The following SGCZ variants were observed in gnomAD, a reference collection of about 807,000 sequenced individuals.
SGCZ encodes the protein sarcoglycan zeta.
A neutral mutation model predicts 41.3 loss-of-function variants in SGCZ; 40 were observed. The observed-to-expected ratio is 0.97, with a 90% confidence interval of 0.75 to 1.26. The LOEUF (loss-of-function observed/expected upper bound fraction) is 1.26. Among genes scored for constraint, SGCZ ranks in the 50% most tolerant of loss-of-function variants. SGCZ has a pLI of 0.00. For synonymous variants in SGCZ, 206 were observed against 137.5 expected, an observed-to-expected ratio of 1.50 and a Z score of -3.49; for missense variants, 552 against 369.8, an observed-to-expected ratio of 1.49 and a Z score of -4.04.
intron 1 of SGCZ, among the ~76,000 whole-genome samples, chr8:14,983,821 A>G (rs940493745): frequency 6.6e-6 from 1 of 152,174 alleles, no homozygotes; most frequent in Non-Finnish European, 1.5e-5. Flanking sequence ...ATATTTTACT[A>G]TATCATAATA....
intron 1 of SGCZ, among the ~76,000 whole-genome samples, chr8:14,978,035 A>G (rs1801537829): frequency 6.6e-6 from 1 of 151,966 alleles, no homozygotes; most frequent in African/African-American, 2.4e-5. Context: ...TTGACCTCAT[A>G]TTTATAGCTC....
chr8:14,495,136 T>C lies in SGCZ; in HGVS notation c.234+59596A>G, dbSNP rs183887550. Among the ~76,000 whole-genome samples the C allele has an allele frequency of 4.7e-4, 71 of 152,250 alleles. No homozygotes were observed. In the East Asian group the frequency reaches 0.012, roughly 26 times the overall value. On this transcript the variant is annotated intron_variant, in intron 2 of 7. Transcript: ENST00000382080. ...GAATGTGGATTCAGTACCAAGCGCT[T>C]GTAGAGTTTATCAAAAAGAAGATAA...
intron 1 of SGCZ, among the ~76,000 whole-genome samples, chr8:14,573,376 AT>A (rs1563124551): frequency 1.3e-5 from 2 of 149,772 alleles, no homozygotes; most frequent in Non-Finnish European, 3.0e-5. Flanking sequence ...TTTTTTTTGT[AT>A]TTTTAGTAGA....
chr8:14,105,547 C>T (rs1377337228), intron 6 of SGCZ, among the ~76,000 whole-genome samples: 5 of 151,894 alleles, frequency 3.3e-5, no homozygotes, highest in Admixed American at 2.0e-4. Flanking sequence ...TCTCAGACAC[C>T]CTGCTTTTAA....
In SGCZ at chr8:14,264,919, C is replaced by A. The variant is rs1195547806; in HGVS notation, c.337-27240G>T. 4.6e-5 allele frequency among the ~76,000 whole-genome samples: 7 copies of A among 152,068 alleles called. No individual in the cohort carries two copies. In the East Asian group the frequency reaches 1.2e-3, roughly 25 times the overall value. On this transcript the variant is annotated intron_variant, in intron 3 of 7. Transcript: ENST00000382080. ...CGGAGCTTGCAGTGAGCCGAGATGG[C>A]GCCACTGCACTCCGGCCTGGGTGAC... is the stretch of plus-strand genomic sequence containing the variant.
chr8:14,517,518 T>G (rs10113541), intron 2 of SGCZ, among the ~76,000 whole-genome samples: 9,659 of 152,134 alleles, frequency 0.063, 740 homozygotes, highest in African/African-American at 0.18. Context: ...GCCTTTAACT[T>G]TGTATTATTA....
At chr8:15,108,333 T>A (rs1413620069) in intron 1 of SGCZ, among the ~76,000 whole-genome samples, 1 of 152,226 alleles carries the variant, frequency 6.6e-6, no homozygotes, top group Non-Finnish European at 1.5e-5. Flanking sequence ...GAGGTAGGTC[T>A]GAGGTTGCTC....
At chr8:14,836,722 A>G (rs1235997238) in intron 1 of SGCZ, among the ~76,000 whole-genome samples, 1 of 152,142 alleles carries the variant, frequency 6.6e-6, no homozygotes. Flanking sequence ...GCTGGTCTCA[A>G]ACTCCTTGAG....
intron 1 of SGCZ, among the ~76,000 whole-genome samples, chr8:15,079,906 C>G (rs1805677718): frequency 6.6e-6 from 1 of 152,114 alleles, no homozygotes; most frequent in Non-Finnish European, 1.5e-5. Context: ...TTTGGAATCC[C>G]CAGTGTCCAC....
intron 1 of SGCZ, among the ~76,000 whole-genome samples, chr8:14,697,189 G>C (rs1237202028): frequency 6.6e-6 from 1 of 151,886 alleles, no homozygotes; most frequent in Non-Finnish European, 1.5e-5. Context: ...TTTTTAGTGT[G>C]GCCAGGTCAC....
intron 4 of SGCZ, among the ~76,000 whole-genome samples, chr8:14,179,093 A>G (rs933536827): frequency 1.1e-3 from 163 of 152,316 alleles, no homozygotes; most frequent in African/African-American, 3.8e-3. Flanking sequence ...AATGTAAAAC[A>G]ATATTATCTG....
chr8:14,710,758 T>G (rs928344060), intron 1 of SGCZ, among the ~76,000 whole-genome samples: 4 of 152,208 alleles, frequency 2.6e-5, no homozygotes, highest in Admixed American at 2.0e-4. Flanking sequence ...TAATTGTAAC[T>G]AATTCTTACC....
At chr8:14,270,652 G>A (rs935532244) in intron 3 of SGCZ, among the ~76,000 whole-genome samples, 5 of 152,086 alleles carry the variant, frequency 3.3e-5, no homozygotes, top group Non-Finnish European at 5.9e-5. Flanking sequence ...TGGGAAAAAT[G>A]TGAATGTATG....
chr8:14,415,492 G>T (rs1799469883), intron 2 of SGCZ, among the ~76,000 whole-genome samples: 1 of 151,796 alleles, frequency 6.6e-6, no homozygotes, highest in Non-Finnish European at 1.5e-5. Flanking sequence ...GAAAATATCA[G>T]AGATGAAATA....
chr8:14,967,591 C>G (rs1349050649), intron 1 of SGCZ, among the ~76,000 whole-genome samples: 1 of 152,128 alleles, frequency 6.6e-6, no homozygotes, highest in African/African-American at 2.4e-5. Context: ...ACGTCTGAAG[C>G]TGAACTCACT....
Position 15,004,633 on chromosome 8 carries a change from C to T in SGCZ, c.39+232952G>A, listed in dbSNP as rs1247517080. Reference sequence around the variant, plus strand: ...CGTTTCTCGCTATATAAACTCTCTGCTCTCCCATTTTCCTTCAGTAAATTT... The same window carrying T: ...CGTTTCTCGCTATATAAACTCTCTGTTCTCCCATTTTCCTTCAGTAAATTT... On this transcript the variant is annotated intron_variant, in intron 1 of 7. Coordinates refer to ENST00000382080, the MANE Select transcript of SGCZ (RefSeq NM_139167.4). 5.9e-5 allele frequency among the ~76,000 whole-genome samples: 9 copies of T among 152,196 alleles called. No individual in the cohort carries two copies. In the East Asian group the frequency reaches 1.7e-3, roughly 29 times the overall value.
At chr8:14,347,898 G>C (rs1251060938) in intron 2 of SGCZ, among the ~76,000 whole-genome samples, 1 of 152,030 alleles carries the variant, frequency 6.6e-6, no homozygotes, top group Non-Finnish European at 1.5e-5. Context: ...CTTTAAAATG[G>C]ATTTTAAAAC....
intron 3 of SGCZ, among the ~76,000 whole-genome samples, chr8:14,241,084 T>C (rs1181596530): frequency 6.6e-6 from 1 of 152,188 alleles, no homozygotes; most frequent in Non-Finnish European, 1.5e-5. Context: ...AAGTTTTATG[T>C]CTTTTTTCTT....
intron 2 of SGCZ, among the ~76,000 whole-genome samples, chr8:14,408,980 CGT>C (rs35834026): frequency 0.4 from 58,823 of 148,084 alleles, 13,113 homozygotes; most frequent in African/African-American, 0.63. Flanking sequence ...TGCATGTGTG[CGT>C]GTGTGTGTGT....
Sources: gnomAD v4.1 joint callset for allele counts (sites outside exome capture counted in the v4.1 genomes callset) on GRCh38, gnomAD v4.1.1 for gene constraint, MANE v1.5 for transcripts, NCBI Gene and HGNC (gene_info 2026-07-23, HGNC 2026-07-21) for gene names.